The following OPCML variants were observed in gnomAD, a reference collection of about 807,000 sequenced individuals.
OPCML encodes opioid binding protein/cell adhesion molecule like.
OPCML carries 13 observed loss-of-function variants against 37.8 expected under a neutral mutation model. The ratio of observed to expected loss-of-function variants is 0.34; its 90% CI spans 0.22 to 0.55. The LOEUF (loss-of-function observed/expected upper bound fraction) is 0.55, where lower values mean the gene tolerates loss of function less well. OPCML is among the 20% of genes least tolerant of loss of function. The pLI is 0.91. For missense variants in OPCML, 341 were observed against 435.6 expected, an observed-to-expected ratio of 0.78 and a Z score of 1.93; for synonymous variants, 176 against 168.8, an observed-to-expected ratio of 1.04 and a Z score of -0.33.
chr11:132,932,449 C>T (rs750434365), intron 2 of OPCML, among the ~76,000 whole-genome samples: 8 of 151,950 alleles, frequency 5.3e-5, no homozygotes, highest in Non-Finnish European at 8.8e-5. Flanking sequence ...TAACAGGGTG[C>T]GTTTTACTTT....
At chr11:133,101,196 G>T (rs1307757269) in intron 1 of OPCML, among the ~76,000 whole-genome samples, 1 of 152,136 alleles carries the variant, frequency 6.6e-6, no homozygotes, top group African/African-American at 2.4e-5. Context: ...GTGCTAGGGT[G>T]ACAAGTGTGA....
intron 1 of OPCML, among the ~76,000 whole-genome samples, chr11:133,398,365 T>C (rs1592264566): frequency 6.6e-6 from 1 of 152,256 alleles, no homozygotes; most frequent in African/African-American, 2.4e-5. Flanking sequence ...GACAGAGCCA[T>C]CTCTCAAGGC....
rs1565467946 is a variant in OPCML, at chr11:133,140,790, A to AT, written c.62-197781_62-197780insA. Among the ~76,000 whole-genome samples, 59 of 37,550 alleles carry AT rather than the reference A, an allele frequency of 1.6e-3. 2 individuals are homozygous for AT. Among genetic ancestry groups the AT allele is most frequent in the Non-Finnish European group, 1.7e-3 (22 of 12,664 alleles). The allele number at this position is 37,550 out of a possible 152,430, so 24.6% of individuals were successfully genotyped here. ...AAGAAGAAGAAGAAGAAGACGACGA[A>AT]GAAGAAGAAGAAGAAGACGACGACG... On this transcript the variant is annotated intron_variant, in intron 1 of 7. Transcript: ENST00000524381.
intron 2 of OPCML, among the ~76,000 whole-genome samples, chr11:132,810,577 G>A (rs1443928032): frequency 1.3e-5 from 2 of 152,172 alleles, no homozygotes; most frequent in Non-Finnish European, 2.9e-5. Context: ...TATAATCCCT[G>A]CTACTCAGGA....
chr11:133,274,779 A>G (rs1592158880), intron 1 of OPCML, among the ~76,000 whole-genome samples: 1 of 152,146 alleles, frequency 6.6e-6, no homozygotes, highest in East Asian at 1.9e-4. Context: ...GCTTTTACAA[A>G]GAATTAATTA....
chr11:132,655,209 G>A (rs574237212), intron 3 of OPCML, among the ~76,000 whole-genome samples: 6 of 152,162 alleles, frequency 3.9e-5, no homozygotes, highest in East Asian at 3.9e-4. Flanking sequence ...TTTTTATTTC[G>A]GTGCCACATT....
chr11:132,710,190 G>C (rs1314511416), intron 2 of OPCML, among the ~76,000 whole-genome samples: 1 of 152,158 alleles, frequency 6.6e-6, no homozygotes, highest in Non-Finnish European at 1.5e-5. Flanking sequence ...GCAAATTTAA[G>C]TGGACTAGAA....
chr11:132,922,173 C>T (rs952335559), intron 2 of OPCML, among the ~76,000 whole-genome samples: 5 of 152,118 alleles, frequency 3.3e-5, no homozygotes, highest in East Asian at 1.9e-4. Flanking sequence ...CCACTACCCC[C>T]GGCCAATTTT....
chr11:132,730,144 C>T (rs369929410), intron 2 of OPCML, among the ~76,000 whole-genome samples: 3 of 151,172 alleles, frequency 2.0e-5, no homozygotes, highest in Admixed American at 1.3e-4. Context: ...TCCCGAGTAG[C>T]TGGGATTACA....
At chr11:132,507,875 A>C (rs1018366925) in intron 4 of OPCML, among the ~76,000 whole-genome samples, 2 of 152,054 alleles carry the variant, frequency 1.3e-5, no homozygotes, top group Non-Finnish European at 2.9e-5. Context: ...TTTTCACATT[A>C]AAAAATAAAC....
chr11:133,396,318 A>T (rs1945285442), intron 1 of OPCML, among the ~76,000 whole-genome samples: 1 of 152,144 alleles, frequency 6.6e-6, no homozygotes, highest in South Asian at 2.1e-4. Flanking sequence ...TTTAGCTTTT[A>T]CCAAATATAA....
At chr11:133,451,139 T>G (rs976074142) in intron 1 of OPCML, among the ~76,000 whole-genome samples, 1 of 151,704 alleles carries the variant, frequency 6.6e-6, no homozygotes, top group Non-Finnish European at 1.5e-5. Flanking sequence ...AATCCATGTT[T>G]AAAAATCTGC....
intron 3 of OPCML, among the ~76,000 whole-genome samples, chr11:132,529,948 T>C (rs529542533): frequency 1.3e-5 from 2 of 152,322 alleles, no homozygotes; most frequent in Admixed American, 1.3e-4. Flanking sequence ...ACCAGTGTTT[T>C]AATCAGTTTA....
At chr11:132,458,648 CT>C (rs1204533277) in intron 4 of OPCML, among the ~76,000 whole-genome samples, 1 of 152,060 alleles carries the variant, frequency 6.6e-6, no homozygotes, top group South Asian at 2.1e-4. Flanking sequence ...AATAATGATT[CT>C]TTTTTTAAAA....
chr11:133,498,655 A>C (rs1040961172), intron 1 of OPCML, among the ~76,000 whole-genome samples: 13 of 152,232 alleles, frequency 8.5e-5, no homozygotes, highest in Admixed American at 8.5e-4. Context: ...ATGTAGGCAC[A>C]TAGATGCAGG....
intron 2 of OPCML, among the ~76,000 whole-genome samples, chr11:132,902,177 G>A (rs1341585744): frequency 6.6e-6 from 1 of 152,322 alleles, no homozygotes; most frequent in South Asian, 2.1e-4. Flanking sequence ...GCTGGTTGGA[G>A]CTTTCCTGAG....
At chr11:133,365,103 C>T (rs987429747) in intron 1 of OPCML, among the ~76,000 whole-genome samples, 1 of 151,840 alleles carries the variant, frequency 6.6e-6, no homozygotes, top group African/African-American at 2.4e-5. Context: ...CATTCTGCCC[C>T]TGGGAACCAC....
At chr11:133,118,987 G>A (rs906122676) in intron 1 of OPCML, among the ~76,000 whole-genome samples, 2 of 152,186 alleles carry the variant, frequency 1.3e-5, no homozygotes, top group Non-Finnish European at 2.9e-5. Flanking sequence ...AAGGAGGACT[G>A]GCTTTCTGTG....
At chr11:133,041,366 G>A (rs1009115342) in intron 1 of OPCML, among the ~76,000 whole-genome samples, 36 of 152,176 alleles carry the variant, frequency 2.4e-4, no homozygotes, top group African/African-American at 8.0e-4. Context: ...CTTTCAAACA[G>A]CAGTGACACC....
Sources: gnomAD v4.1 joint callset for allele counts (sites outside exome capture counted in the v4.1 genomes callset) on GRCh38, gnomAD v4.1.1 for gene constraint, MANE v1.5 for transcripts, NCBI Gene and HGNC (gene_info 2026-07-23, HGNC 2026-07-21) for gene names.